The following KIAA0825 variants were observed in gnomAD, a reference collection of about 807,000 sequenced individuals.
The protein encoded by KIAA0825 is KIAA0825, also known as uncharacterized protein KIAA0825.
KIAA0825 carries 119 observed loss-of-function variants against 147.6 expected under a neutral mutation model. The ratio of observed to expected loss-of-function variants is 0.81; its 90% confidence interval spans 0.69 to 0.94. The LOEUF (loss-of-function observed/expected upper bound fraction) is 0.94. Among genes scored for constraint, KIAA0825 ranks in the 40% least tolerant of loss-of-function variants. The pLI, the probability that KIAA0825 is intolerant of heterozygous loss-of-function variation, is 0.00. For synonymous variants in KIAA0825, 470 were observed against 518.1 expected, an observed-to-expected ratio of 0.91 and a Z score of 1.26; for missense variants, 1,381 against 1,472.7, an observed-to-expected ratio of 0.94 and a Z score of 1.02.
chr5:94,190,980 C>T (rs1025937586), intron 20 of KIAA0825, among the ~76,000 whole-genome samples: 11 of 152,016 alleles, frequency 7.2e-5, no homozygotes, highest in Admixed American at 3.9e-4. Flanking sequence ...GAGATATTAT[C>T]TAATGTTTTT....
At chr5:94,192,222 A>G (rs539636605) in intron 20 of KIAA0825, among the ~76,000 whole-genome samples, 1 of 152,336 alleles carries the variant, frequency 6.6e-6, no homozygotes, top group Admixed American at 6.5e-5. Context: ...AATTAACCCT[A>G]TGAAGTTATT....
chr5:94,483,632 A>G (rs911792839), intron 6 of KIAA0825, among the ~76,000 whole-genome samples: 4 of 150,472 alleles, frequency 2.7e-5, no homozygotes, highest in Non-Finnish European at 5.9e-5. Flanking sequence ...GTCCATCTTT[A>G]TTTTTTCTTC....
chr5:94,216,742 C>T lies in KIAA0825; in HGVS notation c.3711-62618G>A, dbSNP rs201313616. 3.9e-5 allele frequency among the ~76,000 whole-genome samples: 6 copies of T among 152,130 alleles called. No homozygotes were observed. In the East Asian group the frequency reaches 1.2e-3, roughly 29 times the overall value. ...CTCAATGCAGGAGTATTAGACTAGA[C>T]AAGCCACAAAGGAACAGGAAATAGC... is the stretch of plus-strand genomic sequence containing the variant. On this transcript the variant is annotated intron_variant, in intron 20 of 20. Transcript: ENST00000682413.
intron 15 of KIAA0825, among the ~76,000 whole-genome samples, chr5:94,409,986 C>A (rs1245524355): frequency 2.0e-5 from 3 of 151,794 alleles, no homozygotes; most frequent in African/African-American, 7.3e-5. Flanking sequence ...GATCCATAAT[C>A]AAAAGAAAAC....
chr5:94,218,988 C>T (rs1022081298), intron 20 of KIAA0825, among the ~76,000 whole-genome samples: 1 of 152,070 alleles, frequency 6.6e-6, no homozygotes, highest in Admixed American at 6.6e-5. Context: ...TATCACTAAG[C>T]TTTATGTATA....
intron 1 of KIAA0825, among the ~76,000 whole-genome samples, chr5:94,601,084 A>T (rs1414573398): frequency 6.6e-6 from 1 of 152,148 alleles, no homozygotes; most frequent in African/African-American, 2.4e-5. Context: ...CTGCTCTACT[A>T]AAGTAGAGCA....
intron 17 of KIAA0825, among the ~76,000 whole-genome samples, chr5:94,395,024 A>G (rs1392200720): frequency 2.6e-5 from 4 of 152,232 alleles, no homozygotes; most frequent in Admixed American, 2.6e-4. Context: ...TGAATGCAAT[A>G]TATTTTAATA....
At chr5:94,163,678 G>T (rs1264965532) in intron 20 of KIAA0825, among the ~76,000 whole-genome samples, 1 of 152,114 alleles carries the variant, frequency 6.6e-6, no homozygotes, top group Non-Finnish European at 1.5e-5. Context: ...TCTGGTTAAT[G>T]TAATTAACTG....
At chr5:94,159,565 T>G (rs1767354500) in intron 20 of KIAA0825, among the ~76,000 whole-genome samples, 1 of 152,178 alleles carries the variant, frequency 6.6e-6, no homozygotes, top group Admixed American at 6.5e-5. Flanking sequence ...TAATATAATA[T>G]TGCAATAAAT....
intron 20 of KIAA0825, among the ~76,000 whole-genome samples, chr5:94,228,704 G>A (rs980120840): frequency 2.0e-5 from 3 of 152,140 alleles, no homozygotes; most frequent in African/African-American, 7.2e-5. Context: ...ATGGCTTTTA[G>A]GTATCAGTCC....
rs1288376811 is a variant in KIAA0825, at chr5:94,227,056, C to A, written c.3711-72932G>T. The stretch of plus-strand genomic sequence containing the variant: ...GCCATCCCATTACTGGGTATATACC[C>A]AAAGGACTATAAATCATGCTGCTAT... On this transcript the variant is annotated intron_variant, in intron 20 of 20. Coordinates refer to ENST00000682413, the MANE Select transcript of KIAA0825 (RefSeq NM_001145678.3). Among the ~76,000 whole-genome samples, 8 of 152,120 alleles carry A rather than the reference C, an allele frequency of 5.3e-5. No individual in the cohort carries two copies. In the East Asian group the frequency reaches 9.7e-4, roughly 18 times the overall value.
At chr5:94,436,495 C>T (rs114042242) in intron 14 of KIAA0825, among the ~76,000 whole-genome samples, 2 of 152,146 alleles carry the variant, frequency 1.3e-5, no homozygotes, top group Non-Finnish European at 1.5e-5. Flanking sequence ...TGTTCTTATA[C>T]CAGTACCATG....
At chr5:94,459,844 T>C (rs923064520) in intron 12 of KIAA0825, among the ~76,000 whole-genome samples, 1 of 152,124 alleles carries the variant, frequency 6.6e-6, no homozygotes, top group African/African-American at 2.4e-5. Context: ...TAGATATACA[T>C]ATGAAATTTA....
intron 20 of KIAA0825, among the ~76,000 whole-genome samples, chr5:94,155,217 T>C (rs201906085): frequency 2.6e-4 from 31 of 120,178 alleles, no homozygotes; most frequent in East Asian, 1.4e-3. Context: ...TTCTTTCTTT[T>C]TTTTTTTTTT....
At chr5:94,310,110 T>C (rs1238321733) in intron 20 of KIAA0825, among the ~76,000 whole-genome samples, 1 of 151,736 alleles carries the variant, frequency 6.6e-6, no homozygotes, top group Non-Finnish European at 1.5e-5. Context: ...ATTGGCCACA[T>C]ATACTAAGTT....
At chr5:94,579,299 G>A (rs1378662041) in intron 2 of KIAA0825, among the ~76,000 whole-genome samples, 32 of 152,086 alleles carry the variant, frequency 2.1e-4, no homozygotes, top group East Asian at 3.8e-4. Context: ...TACTACATCC[G>A]TAAACGAGTG....
At position 94,520,455 on chromosome 5, in the gene KIAA0825, T is replaced by C; in HGVS notation, c.763A>G (p.Ile255Val). The C allele has an allele frequency of 1.2e-6, 2 of 1,612,754 alleles. No homozygotes were observed. The highest frequency in any genetic ancestry group is 1.7e-6 in the Non-Finnish European group (2 of 1,179,000). Residue 255 changes from isoleucine to valine, a missense_variant, in exon 5 of 21, where the codon ATA becomes GTA. By Grantham distance (29) the Ile-to-Val change is conservative. Coordinates refer to ENST00000682413, the MANE Select transcript of KIAA0825 (RefSeq NM_001145678.3). Reference sequence around the variant, plus strand: ...CATAGTGTGTTAAAATCCTCTTTTATTACTGAGTATAACTTAAGCATTGTA... The same window carrying C: ...CATAGTGTGTTAAAATCCTCTTTTACTACTGAGTATAACTTAAGCATTGTA... ...QSTMLKLYSVIKEDFNTLCEI... is the reference protein window; with the variant it reads ...QSTMLKLYSVVKEDFNTLCEI...
chr5:94,388,123 C>G (rs1297228546), intron 18 of KIAA0825, among the ~76,000 whole-genome samples: 2 of 152,146 alleles, frequency 1.3e-5, no homozygotes, highest in African/African-American at 2.4e-5. Flanking sequence ...TGTTCCACCT[C>G]AGATCATCAG....
At chr5:94,299,674 A>G (rs1380301928) in intron 20 of KIAA0825, among the ~76,000 whole-genome samples, 1 of 152,196 alleles carries the variant, frequency 6.6e-6, no homozygotes, top group Non-Finnish European at 1.5e-5. Flanking sequence ...AAAGTTTAAT[A>G]CTGAAGGCAG....
Sources: gnomAD v4.1 joint callset for allele counts (sites outside exome capture counted in the v4.1 genomes callset) on GRCh38, gnomAD v4.1.1 for gene constraint, MANE v1.5 for transcripts, NCBI Gene and HGNC (gene_info 2026-07-23, HGNC 2026-07-21) for gene names.